ANO10: variants seen among roughly 807,000 people sequenced by gnomAD.
ANO10 encodes the protein anoctamin 10, also known as anoctamin-10.
A neutral mutation model predicts 74.7 loss-of-function variants in ANO10; 77 were observed. The ratio of observed to expected loss-of-function variants is 1.03; its 90% CI spans 0.86 to 1.25. The LOEUF (loss-of-function observed/expected upper bound fraction) is 1.25, where lower values mean the gene tolerates loss of function less well. Ranked by LOEUF, ANO10 falls within the 50% of genes most tolerant of loss-of-function variation. The pLI, the probability that ANO10 is intolerant of heterozygous loss-of-function variation, is 0.00. For synonymous variants in ANO10, 279 were observed against 284.9 expected (o/e 0.98, Z 0.21); for missense variants, 721 against 778.1 (o/e 0.93, Z 0.87).
chr3:43,456,324 C>T (rs2075126487), intron 11 of ANO10, among the ~76,000 whole-genome samples: 1 of 152,194 alleles, frequency 6.6e-6, no homozygotes. Context: ...ACTGATGGCA[C>T]TGAGTTTTGC....
At chr3:43,639,837 T>C (rs1289054178) in intron 1 of ANO10, among the ~76,000 whole-genome samples, 1 of 151,808 alleles carries the variant, frequency 6.6e-6, no homozygotes, top group Non-Finnish European at 1.5e-5. Context: ...TTTTAGAAAG[T>C]AGGACCTGGC....
chr3:43,399,307 C>T (rs1358132280), intron 12 of ANO10, among the ~76,000 whole-genome samples: 2 of 152,154 alleles, frequency 1.3e-5, no homozygotes, highest in Non-Finnish European at 2.9e-5. Flanking sequence ...GCCAATAACG[C>T]CTTTTTGTTC....
chr3:43,674,207 A>T (rs1026255772), intron 1 of ANO10, among the ~76,000 whole-genome samples: 1 of 152,172 alleles, frequency 6.6e-6, no homozygotes, highest in Non-Finnish European at 1.5e-5. Flanking sequence ...TGGCATAATC[A>T]TAGCTCACTG....
At chr3:43,679,167 G>A (rs572752079) in intron 1 of ANO10, among the ~76,000 whole-genome samples, 24 of 152,320 alleles carry the variant, frequency 1.6e-4, no homozygotes, top group African/African-American at 5.8e-4. Flanking sequence ...GAAGCGCAAG[G>A]GGTCAGGGAA....
intron 11 of ANO10, among the ~76,000 whole-genome samples, chr3:43,499,541 C>T (rs1352925887): frequency 6.6e-6 from 1 of 151,884 alleles, no homozygotes; most frequent in African/African-American, 2.4e-5. Flanking sequence ...AAACTGGGTG[C>T]TAGAGAGGAA....
At chr3:43,671,016 G>C (rs1338377460) in intron 1 of ANO10, among the ~76,000 whole-genome samples, 1 of 152,086 alleles carries the variant, frequency 6.6e-6, no homozygotes, top group Non-Finnish European at 1.5e-5. Context: ...CTTATGTCCT[G>C]CTACCATCTC....
At chr3:43,409,859 G>T (rs904295585) in intron 12 of ANO10, among the ~76,000 whole-genome samples, 3 of 152,144 alleles carry the variant, frequency 2.0e-5, no homozygotes, top group Non-Finnish European at 4.4e-5. Flanking sequence ...AAGGGTCTAC[G>T]CAAGCGTTTT....
At chr3:43,493,152 C>T (rs1559610457) in intron 11 of ANO10, among the ~76,000 whole-genome samples, 2 of 152,242 alleles carry the variant, frequency 1.3e-5, no homozygotes, top group South Asian at 2.1e-4. Flanking sequence ...AGGAAGCCAT[C>T]GTTCTCAGTA....
chr3:43,409,906 T>A (rs2092637649), intron 12 of ANO10, among the ~76,000 whole-genome samples: 1 of 152,196 alleles, frequency 6.6e-6, no homozygotes, highest in South Asian at 2.1e-4. Flanking sequence ...TTATATTACA[T>A]TTGAATATTG....
chr3:43,396,495 C>T (rs2092384395), intron 12 of ANO10, among the ~76,000 whole-genome samples: 1 of 151,820 alleles, frequency 6.6e-6, no homozygotes, highest in South Asian at 2.1e-4. Flanking sequence ...CCTGCCACCA[C>T]ACCCGGCTAA....
At chr3:43,547,108 G>A (rs1449739505) in intron 11 of ANO10, among the ~76,000 whole-genome samples, 1 of 152,134 alleles carries the variant, frequency 6.6e-6, no homozygotes, top group Admixed American at 6.5e-5. Context: ...TTTCTCTTCT[G>A]AGACCATTGA....
chr3:43,459,401 G>C lies in ANO10; in HGVS notation c.1798-26674C>G, dbSNP rs74342208. On this transcript the variant is annotated intron_variant, in intron 11 of 12. Transcript: ENST00000292246. ...AGTAACAAACAAGGTGGTATTATCA[G>C]AGAGAGGGCCACAGATAGTCTTCTG... Among the ~76,000 whole-genome samples, 49 of 152,270 alleles carry C rather than the reference G, an allele frequency of 3.2e-4. No individual in the cohort carries two copies. The East Asian group carries it at 9.1e-3, about 28-fold the overall frequency.
intron 11 of ANO10, among the ~76,000 whole-genome samples, chr3:43,441,139 C>T (rs1432504107): frequency 2.7e-5 from 4 of 149,294 alleles, no homozygotes; most frequent in Non-Finnish European, 6.0e-5. Context: ...CAAGAAACTA[C>T]AAAAAGAACA....
intron 12 of ANO10, among the ~76,000 whole-genome samples, chr3:43,376,575 TAAG>T (rs2091814373): frequency 2.0e-5 from 3 of 152,148 alleles, no homozygotes; most frequent in Non-Finnish European, 2.9e-5. Flanking sequence ...GCAACATAGG[TAAG>T]AGGGCAACAA....
At chr3:43,526,631 T>G (rs2078209409) in intron 11 of ANO10, among the ~76,000 whole-genome samples, 1 of 152,206 alleles carries the variant, frequency 6.6e-6, no homozygotes, top group African/African-American at 2.4e-5. Flanking sequence ...AGGAAGAGCA[T>G]GAAGGGGCTT....
intron 1 of ANO10, among the ~76,000 whole-genome samples, chr3:43,665,382 C>T (rs534308844): frequency 1.3e-5 from 2 of 151,586 alleles, no homozygotes; most frequent in East Asian, 1.9e-4. Flanking sequence ...GGGGGGTGGG[C>T]GGTTAAGGGA....
At chr3:43,388,710 G>GA (rs1054012976) in intron 12 of ANO10, among the ~76,000 whole-genome samples, 1 of 152,054 alleles carries the variant, frequency 6.6e-6, no homozygotes, top group Non-Finnish European at 1.5e-5. Context: ...ATATGTTACT[G>GA]AAAAAAACTA....
Position 43,561,343 on chromosome 3 carries a change from A to G in ANO10, c.1353T>C (p.Leu451=). The G allele has an allele frequency of 1.9e-6, 3 of 1,614,184 alleles. No individual in the cohort carries two copies. The highest frequency in any genetic ancestry group is 2.5e-6 in the Non-Finnish European group (3 of 1,180,026). ...CATGCTTCCTTTGGAGCCAATAAGG[A>G]AGAAAAGATTCCATAATTTGGTTGA... ...QILNQIMESF[L]PYWLQRKHGV... is the part of the protein sequence containing the mutation. The change falls in exon 9 of 13, where the codon CTT becomes CTC. Residue 451 remains leucine, a synonymous_variant. Transcript: ENST00000292246.
At chr3:43,668,887 C>T (rs951380736) in intron 1 of ANO10, among the ~76,000 whole-genome samples, 5 of 151,708 alleles carry the variant, frequency 3.3e-5, no homozygotes, top group South Asian at 2.1e-4. Flanking sequence ...TACTTTTTTT[C>T]GCTATTTTAA....
Sources: allele counts gnomAD v4.1 joint callset (sites outside exome capture counted in the v4.1 genomes callset), GRCh38; gene constraint gnomAD v4.1.1; transcripts MANE v1.5; gene names NCBI Gene and HGNC (gene_info 2026-07-23, HGNC 2026-07-21).